TMC1: variants seen among roughly 807,000 people sequenced by gnomAD.
TMC1 encodes the protein transmembrane channel like 1.
A neutral mutation model predicts 105.8 loss-of-function variants in TMC1; 84 were observed. The observed-to-expected ratio is 0.79, with a 90% CI of 0.67 to 0.95. The LOEUF (loss-of-function observed/expected upper bound fraction) is 0.95. TMC1 is among the 40% of genes least tolerant of loss of function. The pLI is 0.00. For missense variants in TMC1, 817 were observed against 914.1 expected (o/e 0.89, Z 1.37); for synonymous variants, 315 against 311.5 (o/e 1.01, Z -0.12).
At chr9:72,794,854 A>C (rs2118204098) in intron 17 of TMC1, among the ~76,000 whole-genome samples, 1 of 152,330 alleles carries the variant, frequency 6.6e-6, no homozygotes, top group Non-Finnish European at 1.5e-5. Context: ...GAATGGCAAA[A>C]CCCAATCCAA....
intron 5 of TMC1, among the ~76,000 whole-genome samples, chr9:72,662,743 A>G (rs1825987258): frequency 6.6e-6 from 1 of 152,210 alleles, no homozygotes; most frequent in Admixed American, 6.5e-5. Flanking sequence ...CTGTAACAAT[A>G]TATCTTAGCC....
chr9:72,658,596 A>G (rs1458623999), intron 5 of TMC1, among the ~76,000 whole-genome samples: 2 of 152,212 alleles, frequency 1.3e-5, no homozygotes, highest in African/African-American at 4.8e-5. Flanking sequence ...GCATAGGAAT[A>G]TGTTTTATAG....
intron 1 of TMC1, among the ~76,000 whole-genome samples, chr9:72,560,641 G>T (rs1824028904): frequency 6.6e-6 from 1 of 152,074 alleles, no homozygotes; most frequent in South Asian, 2.1e-4. Context: ...TGGGACTACA[G>T]GTGCATGCCA....
chr9:72,523,094 C>T (rs1368716457), intron 1 of TMC1, among the ~76,000 whole-genome samples: 1 of 152,174 alleles, frequency 6.6e-6, no homozygotes, highest in African/African-American at 2.4e-5. Flanking sequence ...AGAAGTTCTC[C>T]ATACACCATG....
chr9:72,567,801 T>C (rs1052120288), intron 1 of TMC1, among the ~76,000 whole-genome samples: 1 of 152,216 alleles, frequency 6.6e-6, no homozygotes. Context: ...TGAAGACAGC[T>C]AAGGCACTCA....
intron 17 of TMC1, among the ~76,000 whole-genome samples, chr9:72,796,305 G>A (rs998232250): frequency 1.3e-5 from 2 of 152,154 alleles, no homozygotes; most frequent in East Asian, 1.9e-4. Context: ...AGAAGAACTG[G>A]TAACATTCCT....
chr9:72,599,570 C>T (rs1012312114), intron 2 of TMC1, among the ~76,000 whole-genome samples: 4 of 152,132 alleles, frequency 2.6e-5, no homozygotes, highest in Non-Finnish European at 5.9e-5. Context: ...TCATATCTCT[C>T]TATCTCCCTT....
At chr9:72,806,748 C>T (rs1244068203) in intron 18 of TMC1, among the ~76,000 whole-genome samples, 1 of 151,114 alleles carries the variant, frequency 6.6e-6, no homozygotes, top group Admixed American at 6.6e-5. Context: ...GGTGGGATGG[C>T]GGCCGGGCGG....
intron 1 of TMC1, among the ~76,000 whole-genome samples, chr9:72,561,923 G>A (rs375601102): frequency 6.6e-6 from 1 of 151,850 alleles, no homozygotes; most frequent in African/African-American, 2.4e-5. Flanking sequence ...CGGGAGGATC[G>A]CTTGAGCTCA....
chr9:72,645,219 G>A (rs891426145), intron 4 of TMC1, among the ~76,000 whole-genome samples: 9 of 152,168 alleles, frequency 5.9e-5, no homozygotes, highest in African/African-American at 2.2e-4. Context: ...AACTGGCTCA[G>A]CTTACACAAT....
At chr9:72,553,723 A>G (rs1442600832) in intron 1 of TMC1, among the ~76,000 whole-genome samples, 1 of 152,168 alleles carries the variant, frequency 6.6e-6, no homozygotes, top group Admixed American at 6.5e-5. Context: ...TACTATGGCT[A>G]TCATCATTTA....
intron 13 of TMC1, among the ~76,000 whole-genome samples, chr9:72,775,307 T>A (rs1221864165): frequency 6.6e-6 from 1 of 152,032 alleles, no homozygotes; most frequent in African/African-American, 2.4e-5. Flanking sequence ...AACCACATCA[T>A]ATGCTTAGAA....
intron 4 of TMC1, among the ~76,000 whole-genome samples, chr9:72,629,160 G>A (rs1045014754): frequency 5.9e-5 from 9 of 152,262 alleles, no homozygotes; most frequent in African/African-American, 1.9e-4. Context: ...AGGACGTTAG[G>A]TAATTATTCC....
At chr9:72,806,000 G>C (rs911517276) in intron 18 of TMC1, among the ~76,000 whole-genome samples, 74 of 152,002 alleles carry the variant, frequency 4.9e-4, no homozygotes, top group African/African-American at 1.7e-3. Context: ...CACCTTTCCC[G>C]CCTTTCTATT....
intron 18 of TMC1, among the ~76,000 whole-genome samples, chr9:72,815,289 G>A (rs574174624): frequency 4.5e-4 from 69 of 152,142 alleles, no homozygotes; most frequent in African/African-American, 1.3e-3. Flanking sequence ...GGTTTTTTGT[G>A]GCTCCTCTGT....
chr9:72,604,429 A>G (rs1824875700), intron 2 of TMC1, among the ~76,000 whole-genome samples: 1 of 152,228 alleles, frequency 6.6e-6, no homozygotes, highest in Non-Finnish European at 1.5e-5. Flanking sequence ...AATTATTTAC[A>G]AGAGACTTCT....
At position 72,536,733 on chromosome 9, in the gene TMC1, C is replaced by G. The variant is rs1010155234; in HGVS notation, c.-428+14820C>G. On this transcript the variant is annotated intron_variant, in intron 1 of 23. Coordinates refer to ENST00000297784, the MANE Select transcript of TMC1 (RefSeq NM_138691.3). ...GTGGGTCCTAAGGCCTTAGGCAGCC[C>G]CACTCTTTGGCTTTGCTGGGTGCAG... 5.3e-5 allele frequency among the ~76,000 whole-genome samples: 8 copies of G among 152,292 alleles called. No homozygotes were observed. In the South Asian group the frequency reaches 6.2e-4, roughly 12 times the overall value.
At chr9:72,543,057 T>TA (rs1465284607) in intron 1 of TMC1, among the ~76,000 whole-genome samples, 1 of 152,080 alleles carries the variant, frequency 6.6e-6, no homozygotes, top group Non-Finnish European at 1.5e-5. Context: ...TAATTTTTTT[T>TA]AAAAAAAGAA....
chr9:72,816,217 C>T lies in TMC1; in HGVS notation c.1763+7C>T. ...TCAACCAAGGCATGATCTGGTAGGCCAGCTGTTGGACAGCTTATCACTTAC... is the reference window on the plus strand; with the variant it reads ...TCAACCAAGGCATGATCTGGTAGGCTAGCTGTTGGACAGCTTATCACTTAC... On this transcript the variant is annotated splice_region_variant and intron_variant, in intron 19 of 23. Coordinates refer to ENST00000297784, the MANE Select transcript of TMC1 (RefSeq NM_138691.3). 6.2e-7 allele frequency: 1 copy of T among 1,613,072 alleles called. No homozygotes were observed. The highest frequency in any genetic ancestry group is 8.5e-7 in the Non-Finnish European group (1 of 1,179,128).
Sources: allele counts gnomAD v4.1 joint callset (sites outside exome capture counted in the v4.1 genomes callset), GRCh38; gene constraint gnomAD v4.1.1; transcripts MANE v1.5; gene names NCBI Gene and HGNC (gene_info 2026-07-23, HGNC 2026-07-21).